The following FTCDNL1 variants were observed in gnomAD, a reference collection of about 807,000 sequenced individuals.
FTCDNL1 encodes the protein formiminotransferase cyclodeaminase N-terminal like.
Under a neutral mutation model 5.9 loss-of-function variants are expected in FTCDNL1, and 11 were observed. That is an observed-to-expected ratio of 1.87 (90% CI 1.18 to 3.10). The LOEUF (loss-of-function observed/expected upper bound fraction) is 3.10. Ranked by LOEUF, FTCDNL1 falls within the 30% of genes most tolerant of loss-of-function variation. The pLI is 0.00. For missense variants in FTCDNL1, 115 were observed against 65.5 expected (o/e 1.76, Z -2.61); for synonymous variants, 58 against 24.8 (o/e 2.34, Z -3.99).
chr2:199,838,266 A>C (rs1032552417), intron 3 of FTCDNL1, among the ~76,000 whole-genome samples: 13 of 152,220 alleles, frequency 8.5e-5, no homozygotes, highest in African/African-American at 2.9e-4. Flanking sequence ...AGTCAGACAA[A>C]AGAAGAATGC....
At chr2:199,674,049 G>A in the FTCDNL1 span, among the ~76,000 whole-genome samples, 1 of 152,090 alleles carries the variant, frequency 6.6e-6, no homozygotes, top group Non-Finnish European at 1.5e-5. Context: ...CATTTTATAT[G>A]GTGAAAGATA....
intron 3 of FTCDNL1, among the ~76,000 whole-genome samples, chr2:199,767,263 T>C (rs2106269256): frequency 6.6e-6 from 1 of 152,314 alleles, no homozygotes; most frequent in Middle Eastern, 3.4e-3. Flanking sequence ...CAGTTTCAGT[T>C]TTCAGGTAGT....
chr2:199,812,781 G>A (rs1701113202), intron 4 of FTCDNL1, 57 bp from the exon 5 acceptor site: 2 of 679,510 alleles, frequency 2.9e-6, no homozygotes, highest in Middle Eastern at 2.3e-4. Flanking sequence ...GTGCTTTAAT[G>A]AAAAATTTAT....
At chr2:199,761,491 G>C (rs920333618) in intron 3 of FTCDNL1, among the ~76,000 whole-genome samples, 5 of 152,122 alleles carry the variant, frequency 3.3e-5, no homozygotes, top group Non-Finnish European at 2.9e-5. Flanking sequence ...TTCTCAGCTG[G>C]ACACATCTCA....
intron 3 of FTCDNL1, among the ~76,000 whole-genome samples, chr2:199,782,177 C>T (rs141319324): frequency 0.016 from 2,491 of 152,290 alleles, 26 homozygotes; most frequent in Middle Eastern, 0.024. Flanking sequence ...TGATAGTTCA[C>T]TCTCATGCTC....
chr2:199,690,995 T>C, the FTCDNL1 span, among the ~76,000 whole-genome samples: 1 of 152,110 alleles, frequency 6.6e-6, no homozygotes, highest in Non-Finnish European at 1.5e-5. Context: ...AATAGTAAAA[T>C]GACCCACATA....
At chr2:199,826,306 GC>G (rs1702026625) in intron 3 of FTCDNL1, among the ~76,000 whole-genome samples, 1 of 152,102 alleles carries the variant, frequency 6.6e-6, no homozygotes, top group South Asian at 2.1e-4. Flanking sequence ...AACAACATAT[GC>G]TTTTAAGTCC....
At chr2:199,773,872 C>A (rs1698933250) in intron 3 of FTCDNL1, among the ~76,000 whole-genome samples, 1 of 152,266 alleles carries the variant, frequency 6.6e-6, no homozygotes, top group Admixed American at 6.5e-5. Context: ...ATCCCATCAT[C>A]CCTGTTGTAG....
At chr2:199,713,664 T>A in the FTCDNL1 span, among the ~76,000 whole-genome samples, 1 of 152,228 alleles carries the variant, frequency 6.6e-6, no homozygotes, top group Non-Finnish European at 1.5e-5. Context: ...AGTCTTATAA[T>A]ATTTGCACAT....
chr2:199,751,206 T>G, the FTCDNL1 span, among the ~76,000 whole-genome samples: 1 of 152,230 alleles, frequency 6.6e-6, no homozygotes, highest in Non-Finnish European at 1.5e-5. Flanking sequence ...TGGTGATAAT[T>G]AATGATATTA....
the FTCDNL1 span, among the ~76,000 whole-genome samples, chr2:199,666,290 A>G: frequency 5.3e-5 from 8 of 152,220 alleles, no homozygotes; most frequent in Non-Finnish European, 8.8e-5. Context: ...AAAAACGCAC[A>G]CACAGGAAGA....
chr2:199,817,706 G>C (rs1227802515), intron 4 of FTCDNL1, among the ~76,000 whole-genome samples: 2 of 149,434 alleles, frequency 1.3e-5, no homozygotes, highest in Non-Finnish European at 3.0e-5. Context: ...TCGCACCACT[G>C]TACTCCAGCC....
chr2:199,832,096 G>A (rs1005070972), intron 3 of FTCDNL1, among the ~76,000 whole-genome samples: 1 of 152,044 alleles, frequency 6.6e-6, no homozygotes, highest in Non-Finnish European at 1.5e-5. Flanking sequence ...AATCCAAGAA[G>A]GTTGTTATTT....
At chr2:199,686,756 C>T in the FTCDNL1 span, among the ~76,000 whole-genome samples, 541 of 152,090 alleles carry the variant, frequency 3.6e-3, 2 homozygotes, top group South Asian at 0.014. Context: ...ATTAAATAAG[C>T]GATAGATGGT....
At chr2:199,716,430 A>G in the FTCDNL1 span, among the ~76,000 whole-genome samples, 1 of 152,164 alleles carries the variant, frequency 6.6e-6, no homozygotes, top group Non-Finnish European at 1.5e-5. Flanking sequence ...TGTTTGGATG[A>G]CATTTTCCAA....
intron 3 of FTCDNL1, among the ~76,000 whole-genome samples, chr2:199,784,667 C>T (rs1206674909): frequency 6.6e-6 from 1 of 152,224 alleles, no homozygotes; most frequent in Admixed American, 6.5e-5. Context: ...CTCCCTCAGA[C>T]TTGCCCCAAT....
the FTCDNL1 span, among the ~76,000 whole-genome samples, chr2:199,748,094 A>G: frequency 6.6e-6 from 1 of 152,220 alleles, no homozygotes; most frequent in Admixed American, 6.5e-5. Context: ...AGAATTTTAA[A>G]GAAGAAAAAG....
At chr2:199,667,992 T>C in the FTCDNL1 span, among the ~76,000 whole-genome samples, 1 of 152,222 alleles carries the variant, frequency 6.6e-6, no homozygotes, top group Non-Finnish European at 1.5e-5. Flanking sequence ...TTTTACATCA[T>C]GTGCTAAAAT....
chr2:199,751,807 T>A, the FTCDNL1 span, among the ~76,000 whole-genome samples: 1 of 152,090 alleles, frequency 6.6e-6, no homozygotes. Flanking sequence ...CTTTTTATTA[T>A]GTAAATTATA....
Sources: gnomAD v4.1 joint callset for allele counts (sites outside exome capture counted in the v4.1 genomes callset) on GRCh38, gnomAD v4.1.1 for gene constraint, MANE v1.5 for transcripts, NCBI Gene and HGNC (gene_info 2026-07-23, HGNC 2026-07-21) for gene names.